PIR: variants seen among roughly 807,000 people sequenced by gnomAD.
The protein encoded by PIR is pirin.
PIR carries 22 observed loss-of-function variants against 24.2 expected under a neutral mutation model. The ratio of observed to expected loss-of-function variants is 0.91; its 90% CI spans 0.65 to 1.30. The LOEUF (loss-of-function observed/expected upper bound fraction) is 1.30, where lower values mean the gene tolerates loss of function less well. Among genes scored for constraint, PIR ranks in the 50% most tolerant of loss-of-function variants. The probability of loss-of-function intolerance (pLI) is 0.00; values close to 1 mark genes in which losing one functional copy is unlikely to be tolerated. For missense variants in PIR, 220 were observed against 220.3 expected, an observed-to-expected ratio of 1.00 and a Z score of 0.01; for synonymous variants, 80 against 79.6, an observed-to-expected ratio of 1.00 and a Z score of -0.03.
intron 2 of PIR, among the ~76,000 whole-genome samples, chrX:15,484,306 CTTTTTTT>C (rs1193474348): frequency 5.3e-4 from 36 of 67,482 alleles, no homozygotes; most frequent in African/African-American, 8.8e-4. Flanking sequence ...TCTCAATTTT[CTTTTTTT>C]TTTTTTTTTT....
chrX:15,459,809 T>A (rs895765250), intron 3 of PIR, 69 bp from the exon 4 acceptor site: 2 of 604,382 alleles, frequency 3.3e-6, no homozygotes, highest in Admixed American at 4.6e-5. Context: ...TATTTAATTA[T>A]CCCTACTGAC....
intron 5 of PIR, among the ~76,000 whole-genome samples, chrX:15,443,736 AG>A (rs772020654): frequency 9.0e-6 from 1 of 111,566 alleles, no homozygotes; most frequent in East Asian, 2.8e-4. Flanking sequence ...CAACATTAAT[AG>A]GAGTTTGGTA....
At chrX:15,404,026 A>T (rs1462911256) in intron 7 of PIR, among the ~76,000 whole-genome samples, 2 of 104,747 alleles carry the variant, frequency 1.9e-5, no homozygotes, top group Non-Finnish European at 3.9e-5. Flanking sequence ...TTTAGACAAG[A>T]GTCCCGCTCT....
intron 5 of PIR, among the ~76,000 whole-genome samples, chrX:15,450,566 A>T (rs1311797265): frequency 1.8e-5 from 2 of 111,301 alleles, no homozygotes; most frequent in East Asian, 5.6e-4. Flanking sequence ...CTCTCTCCAC[A>T]TCACACAGTG....
At chrX:15,452,546 T>A (rs914872834) in intron 5 of PIR, among the ~76,000 whole-genome samples, 2 of 112,085 alleles carry the variant, frequency 1.8e-5, no homozygotes, top group Middle Eastern at 4.2e-3. Context: ...CCCCCTCACC[T>A]TTTTTGTGGA....
At chrX:15,491,043 CT>C in intron 2 of PIR, 118 bp downstream of exon 2, 1 of 498,637 alleles carries the variant, frequency 2.0e-6, no homozygotes, top group East Asian at 3.5e-5. Context: ...AAAGTTTGCA[CT>C]TATGCACTCC....
At position 15,410,178 on chromosome X, in the gene PIR, G is replaced by A. The variant is rs898608545; in HGVS notation, c.566-2628C>T. 7.4e-4 allele frequency among the ~76,000 whole-genome samples: 82 copies of A among 110,754 alleles called. 1 individual carries two copies. Among genetic ancestry groups the A allele is most frequent in the African/African-American group, 2.4e-3 (74 of 30,402 alleles). On this transcript the variant is annotated intron_variant, in intron 6 of 9. Coordinates refer to ENST00000380420, the MANE Select transcript of PIR (RefSeq NM_001018109.3). ...AAGCAGGAAAATTGCTTGAACCTGG[G>A]AGGCAGAGGTTGCAGTGAGCCGAGA...
chrX:15,420,528 T>C (rs1282849551), intron 6 of PIR, among the ~76,000 whole-genome samples: 1 of 112,023 alleles, frequency 8.9e-6, no homozygotes, highest in Non-Finnish European at 1.9e-5. Context: ...ACCTGTCTCA[T>C]CAAAATAAAT....
chrX:15,489,850 C>A (rs1297067316), intron 2 of PIR, among the ~76,000 whole-genome samples: 2 of 111,611 alleles, frequency 1.8e-5, no homozygotes, highest in Non-Finnish European at 3.8e-5. Flanking sequence ...TGATCTCACT[C>A]ATATGCGAAA....
rs559722429 is a variant in PIR at position 15,445,975 on chromosome X, A to G, written c.480+9873T>C. Among the ~76,000 whole-genome samples, 26 of 107,425 alleles carry G rather than the reference A, an allele frequency of 2.4e-4. No individual in the cohort carries two copies. The South Asian group carries it at 8.3e-3, about 34-fold the overall frequency. The allele number at this position is 107,425 out of a possible 115,157, so 93.3% of individuals were successfully genotyped here. ...CTCCCGAGTAGCTGGGACTACAGGC[A>G]CCCACCACCACGCCTGGCTAATTTT... On this transcript the variant is annotated intron_variant, in intron 5 of 9. Coordinates refer to ENST00000380420, the MANE Select transcript of PIR (RefSeq NM_001018109.3).
At chrX:15,432,921 A>G (rs773799203) in intron 5 of PIR, among the ~76,000 whole-genome samples, 1 of 112,544 alleles carries the variant, frequency 8.9e-6, no homozygotes, top group Non-Finnish European at 1.9e-5. Flanking sequence ...GATGGCCATC[A>G]TGTTTCTACT....
rs777036326 is a variant in PIR, at chrX:15,455,895, C to T, written c.433G>A (p.Asp145Asn). 2.0e-5 allele frequency: 24 copies of T among 1,209,455 alleles called. No homozygotes were observed. The South Asian group carries it at 3.9e-4, about 20-fold the overall frequency. The change falls in exon 5 of 10, where the codon GAT (aspartate) becomes AAT (asparagine). Residue 145 changes from aspartate (D) to asparagine (N), a missense_variant. Transcript: ENST00000380420. ...GAAATGACAGCAACTGTCACACCATCCTTACTGGGTTTAGGGATTTCTTCA... is the reference window on the plus strand; with the variant it reads ...GAAATGACAGCAACTGTCACACCATTCTTACTGGGTTTAGGGATTTCTTCA... ...KSEEIPKPSK[D>N]GVTVAVISGE...
At chrX:15,485,680 G>A (rs16997054) in intron 2 of PIR, among the ~76,000 whole-genome samples, 1,764 of 112,003 alleles carry the variant, frequency 0.016, 28 homozygotes, top group African/African-American at 0.054. Flanking sequence ...CAGAAAATTG[G>A]TGATATGTGT....
intron 6 of PIR, chrX:15,407,782 A>C: frequency 2.6e-6 from 1 of 385,287 alleles, no homozygotes; most frequent in Non-Finnish European, 4.6e-6. Flanking sequence ...CTTGGTCCCA[A>C]ATATTTAAGA....
At chrX:15,468,449 T>C (rs1222318605) in intron 3 of PIR, among the ~76,000 whole-genome samples, 4 of 112,836 alleles carry the variant, frequency 3.5e-5, no homozygotes, top group African/African-American at 1.3e-4. Context: ...TGTTTGCACA[T>C]ATGGTCTTGG....
chrX:15,487,260 G>A (rs958558848), intron 2 of PIR, among the ~76,000 whole-genome samples: 2 of 111,407 alleles, frequency 1.8e-5, no homozygotes, highest in Admixed American at 9.5e-5. Context: ...AATCAGTGAA[G>A]AACAAGATTA....
chrX:15,458,856 T>C lies in PIR; in HGVS notation c.273+801A>G, dbSNP rs768562880. Among the ~76,000 whole-genome samples, 385 of 112,560 alleles carry C rather than the reference T, an allele frequency of 3.4e-3. 1 individual carries two copies. The highest frequency in any genetic ancestry group is 5.9e-3 in the Non-Finnish European group (312 of 53,299). Reference sequence around the variant, plus strand: ...ACGATCAGGACATTTCCAGTCATCATATGTATCTTTGCAAGCAGTCTTCAT... The same window carrying C: ...ACGATCAGGACATTTCCAGTCATCACATGTATCTTTGCAAGCAGTCTTCAT... On this transcript the variant is annotated intron_variant, in intron 4 of 9. Transcript: ENST00000380420.
chrX:15,410,606 T>C (rs1002847693), intron 6 of PIR, among the ~76,000 whole-genome samples: 1 of 112,021 alleles, frequency 8.9e-6, no homozygotes. Flanking sequence ...AGATCTGTTT[T>C]TTTTCCTTTT....
intron 5 of PIR, among the ~76,000 whole-genome samples, chrX:15,433,398 C>A (rs779713691): frequency 9.5e-6 from 1 of 105,731 alleles, no homozygotes; most frequent in South Asian, 4.2e-4. Flanking sequence ...AAGGACAAAG[C>A]AATCAAGCCA....
Sources: gnomAD v4.1 joint callset for allele counts (sites outside exome capture counted in the v4.1 genomes callset) on GRCh38, gnomAD v4.1.1 for gene constraint, MANE v1.5 for transcripts, NCBI Gene and HGNC (gene_info 2026-07-23, HGNC 2026-07-21) for gene names.